LRP1B: variants seen among roughly 807,000 people sequenced by gnomAD.
LRP1B encodes the protein LDL receptor related protein 1B, also known as low-density lipoprotein receptor-related protein 1B.
A neutral mutation model predicts 556.6 loss-of-function variants in LRP1B; 217 were observed. The observed-to-expected ratio is 0.39, with a 90% CI of 0.35 to 0.44. LRP1B has a LOEUF of 0.44. Ranked by LOEUF, LRP1B falls within the 20% of genes least tolerant of loss-of-function variation. The probability of loss-of-function intolerance (pLI) is 1.00; values close to 1 mark genes in which losing one functional copy is unlikely to be tolerated. For synonymous variants in LRP1B, 2,047 were observed against 1,865.8 expected (o/e 1.10, Z -2.50); for missense variants, 5,053 against 5,620.8 (o/e 0.90, Z 3.23).
At chr2:140,445,895 A>G (rs1686637832) in intron 63 of LRP1B, among the ~76,000 whole-genome samples, 1 of 152,184 alleles carries the variant, frequency 6.6e-6, no homozygotes, top group South Asian at 2.1e-4. Flanking sequence ...TTTTGAGGTT[A>G]ATATTATCTT....
chr2:141,406,378 A>G (rs1038494964), intron 3 of LRP1B, among the ~76,000 whole-genome samples: 1 of 152,106 alleles, frequency 6.6e-6, no homozygotes, highest in African/African-American at 2.4e-5. Flanking sequence ...TCTGGTTGGG[A>G]TAACATAAAC....
intron 2 of LRP1B, among the ~76,000 whole-genome samples, chr2:141,768,205 T>C (rs931349038): frequency 3.3e-5 from 5 of 152,202 alleles, no homozygotes; most frequent in African/African-American, 1.2e-4. Context: ...CCATGCACTT[T>C]AGCCTTCAAT....
chr2:141,957,393 G>T (rs971783349), intron 1 of LRP1B, among the ~76,000 whole-genome samples: 1 of 121,666 alleles, frequency 8.2e-6, no homozygotes, highest in African/African-American at 3.0e-5. Context: ...TGGGGGGGGG[G>T]GGGCGGGGGG....
rs756149023 is a variant in LRP1B at position 141,805,194 on chromosome 2, T to G, written c.205+5085A>C. On this transcript the variant is annotated intron_variant, in intron 2 of 90. Coordinates refer to ENST00000389484, the MANE Select transcript of LRP1B (RefSeq NM_018557.3). The stretch of plus-strand genomic sequence containing the variant: ...CTCAACTGGCATTTGCCTTTTCCCT[T>G]TACTCTTTTCCTTCTGGTTTTCCAA... Among the ~76,000 whole-genome samples the G allele has an allele frequency of 1.1e-3, 172 of 152,084 alleles. 1 individual carries two copies. Among genetic ancestry groups the G allele is most frequent in the Non-Finnish European group, 2.2e-3 (153 of 68,016 alleles).
chr2:141,269,687 T>C (rs1446383430), intron 3 of LRP1B, among the ~76,000 whole-genome samples: 1 of 152,146 alleles, frequency 6.6e-6, no homozygotes, highest in East Asian at 1.9e-4. Flanking sequence ...AGGAAAGGTT[T>C]TCAGAGTTGC....
At chr2:141,767,013 T>G (rs530228867) in intron 2 of LRP1B, among the ~76,000 whole-genome samples, 1 of 152,312 alleles carries the variant, frequency 6.6e-6, no homozygotes, top group South Asian at 2.1e-4. Context: ...TAACAATTTT[T>G]TATTATTCTT....
rs141153112 is a variant in LRP1B at position 140,947,928 on chromosome 2, C to T, written c.3136+2307G>A. On this transcript the variant is annotated intron_variant, in intron 20 of 90. Coordinates refer to ENST00000389484, the MANE Select transcript of LRP1B (RefSeq NM_018557.3). ...TATGCCATTCACATTGACAGTATAC[C>T]CATACAGTAATCTACTAGTGAAAAT... Among the ~76,000 whole-genome samples the T allele has an allele frequency of 1.3e-3, 200 of 152,132 alleles. 2 individuals carry two copies. Among genetic ancestry groups the T allele is most frequent in the African/African-American group, 4.7e-3 (197 of 41,502 alleles).
chr2:141,474,067 CCCTT>C (rs1682608209), intron 3 of LRP1B, among the ~76,000 whole-genome samples: 3 of 141,402 alleles, frequency 2.1e-5, no homozygotes, highest in East Asian at 2.1e-4. Flanking sequence ...CTCCCTCCCT[CCCTT>C]CCTTTCCTCC....
chr2:141,427,752 T>C (rs1680421395), intron 3 of LRP1B, among the ~76,000 whole-genome samples: 1 of 152,180 alleles, frequency 6.6e-6, no homozygotes, highest in African/African-American at 2.4e-5. Context: ...ATAATTACCA[T>C]ATTCAAAATT....
At chr2:142,123,013 T>G (rs995772440) in intron 1 of LRP1B, among the ~76,000 whole-genome samples, 2 of 152,030 alleles carry the variant, frequency 1.3e-5, no homozygotes, top group African/African-American at 4.8e-5. Context: ...GGACAGAAGC[T>G]TCAATAAATT....
chr2:140,338,861 AT>A (rs1681231598), intron 77 of LRP1B, among the ~76,000 whole-genome samples: 2 of 151,756 alleles, frequency 1.3e-5, no homozygotes, highest in South Asian at 4.1e-4. Context: ...AGAAGAAAAT[AT>A]AAAAATTTCA....
chr2:141,343,708 C>T (rs1688149423), intron 3 of LRP1B, among the ~76,000 whole-genome samples: 1 of 152,128 alleles, frequency 6.6e-6, no homozygotes, highest in South Asian at 2.1e-4. Context: ...GGCACTATGT[C>T]CAGTCTGCTT....
chr2:141,222,218 T>G (rs752105192), intron 6 of LRP1B, among the ~76,000 whole-genome samples: 1 of 152,130 alleles, frequency 6.6e-6, no homozygotes, highest in East Asian at 1.9e-4. Flanking sequence ...TAACCACTGA[T>G]CTTACAGAAA....
intron 3 of LRP1B, among the ~76,000 whole-genome samples, chr2:141,340,608 T>G (rs553890836): frequency 6.6e-6 from 1 of 152,272 alleles, no homozygotes; most frequent in African/African-American, 2.4e-5. Context: ...CTTCACTAAT[T>G]TAAGTGATCT....
chr2:141,194,548 T>C (rs534542646), intron 6 of LRP1B, among the ~76,000 whole-genome samples: 3 of 152,120 alleles, frequency 2.0e-5, no homozygotes, highest in East Asian at 3.9e-4. Flanking sequence ...AATCTCTCAA[T>C]TTTTTAATGT....
At chr2:140,644,033 T>C (rs1684392819) in intron 41 of LRP1B, among the ~76,000 whole-genome samples, 2 of 152,238 alleles carry the variant, frequency 1.3e-5, no homozygotes, top group Non-Finnish European at 2.9e-5. Flanking sequence ...TTTTTCTCGT[T>C]ACTCTAGTAA....
intron 2 of LRP1B, among the ~76,000 whole-genome samples, chr2:141,631,060 GAC>G (rs1398482710): frequency 6.6e-6 from 1 of 152,154 alleles, no homozygotes; most frequent in Non-Finnish European, 1.5e-5. Context: ...AGGTTTAATT[GAC>G]TCACAGTTCT....
intron 2 of LRP1B, among the ~76,000 whole-genome samples, chr2:141,778,619 G>A (rs980182417): frequency 7.9e-5 from 12 of 152,132 alleles, no homozygotes; most frequent in African/African-American, 2.9e-4. Flanking sequence ...TTTCCACCAT[G>A]GTGTGTGTAA....
chr2:141,806,374 A>T (rs965245380), intron 2 of LRP1B, among the ~76,000 whole-genome samples: 1 of 152,042 alleles, frequency 6.6e-6, no homozygotes, highest in African/African-American at 2.4e-5. Flanking sequence ...ATTGCCTCAT[A>T]GAGCCTAAAA....
Sources: allele counts gnomAD v4.1 joint callset (sites outside exome capture counted in the v4.1 genomes callset), GRCh38; gene constraint gnomAD v4.1.1; transcripts MANE v1.5; gene names NCBI Gene and HGNC (gene_info 2026-07-23, HGNC 2026-07-21).